The following NAV2 variants were observed in gnomAD, a reference collection of about 807,000 sequenced individuals.
NAV2 encodes neuron navigator 2.
In NAV2, 54 loss-of-function variants were observed where a neutral mutation model predicts 223.2. That is an observed-to-expected ratio of 0.24 (90% CI 0.19 to 0.30). The LOEUF (loss-of-function observed/expected upper bound fraction) is 0.30. NAV2 is among the 10% of genes least tolerant of loss of function. The probability of loss-of-function intolerance (pLI) is 1.00; values close to 1 mark genes in which losing one functional copy is unlikely to be tolerated. For synonymous variants in NAV2, 1,279 were observed against 1,239.3 expected (o/e 1.03, Z -0.67); for missense variants, 2,806 against 3,147.5 (o/e 0.89, Z 2.60).
chr11:19,859,135 C>CTTTTTTTTTTTTTTT (rs2061539413), intron 3 of NAV2, among the ~76,000 whole-genome samples: 1 of 102,056 alleles, frequency 9.8e-6, no homozygotes, highest in Non-Finnish European at 2.0e-5. Context: ...AAATCATATT[C>CTTTTTTTTTTTTTTT]TCTTTTTTTT....
intron 6 of NAV2, among the ~76,000 whole-genome samples, chr11:19,907,150 G>T (rs564239292): frequency 6.6e-6 from 1 of 152,144 alleles, no homozygotes; most frequent in East Asian, 1.9e-4. Context: ...TGTATATAAG[G>T]TTTGTTGAAT....
chr11:19,856,587 A>G (rs1175661235), intron 3 of NAV2, among the ~76,000 whole-genome samples: 18 of 152,218 alleles, frequency 1.2e-4, no homozygotes, highest in Non-Finnish European at 2.6e-4. Flanking sequence ...ATGTATGTGG[A>G]CGTTTCTAGT....
chr11:20,097,707 T>A lies in NAV2; in HGVS notation c.6143T>A (p.Leu2048Gln), dbSNP rs1164682399. 1.9e-6 allele frequency: 3 copies of A among 1,610,642 alleles called. No individual in the cohort carries two copies. Among genetic ancestry groups the A allele is most frequent in the Non-Finnish European group, 2.5e-6 (3 of 1,179,132 alleles). The change falls in exon 31 of 38, where the codon CTG becomes CAG. Residue 2048 changes from leucine (L) to glutamine (Q), a missense_variant. This residue lies in a region of NAV2 where 824 missense variants were observed against 1,069.4 expected (regional missense o/e 0.77). Transcript: ENST00000349880. ...CCGGAGCTGCTTCCTTGTGGCTATC[T>A]GGTTGGAGAGAACACGACCATCTCA... Reference protein sequence around the residue: ...ETPELLPCGYLVGENTTISVT... With the variant: ...ETPELLPCGYQVGENTTISVT...
chr11:19,400,702 GCCCATGATGTGAACAGTGAC>G (rs1398923747), intron 1 of NAV2, among the ~76,000 whole-genome samples: 1 of 152,154 alleles, frequency 6.6e-6, no homozygotes, highest in African/African-American at 2.4e-5. Context: ...TCATCTTCTA[GCCCATGATGTGAACAGTGAC>G]CCCTAGGGCC....
At chr11:19,583,896 T>C (rs1324686356) in intron 1 of NAV2, among the ~76,000 whole-genome samples, 1 of 152,232 alleles carries the variant, frequency 6.6e-6, no homozygotes, top group African/African-American at 2.4e-5. Context: ...CCTCACAAAA[T>C]GAGTTAGGGA....
chr11:19,859,710 G>C (rs2061585703), intron 3 of NAV2, among the ~76,000 whole-genome samples: 1 of 151,828 alleles, frequency 6.6e-6, no homozygotes, highest in Admixed American at 6.5e-5. Flanking sequence ...CTTCCCAGTA[G>C]GGGTGGCCGG....
At chr11:20,092,630 T>A (rs2060931864) in intron 28 of NAV2, among the ~76,000 whole-genome samples, 1 of 152,076 alleles carries the variant, frequency 6.6e-6, no homozygotes, top group Non-Finnish European at 1.5e-5. Flanking sequence ...CTGAGTTTGT[T>A]TGATCCATTT....
At chr11:19,840,795 T>G (rs2060473343) in intron 2 of NAV2, among the ~76,000 whole-genome samples, 1 of 152,192 alleles carries the variant, frequency 6.6e-6, no homozygotes, top group South Asian at 2.1e-4. Context: ...ATTTCTTGAT[T>G]CATTGAGATA....
intron 1 of NAV2, among the ~76,000 whole-genome samples, chr11:19,429,436 CA>C (rs1385012924): frequency 1.3e-5 from 2 of 152,190 alleles, no homozygotes; most frequent in African/African-American, 2.4e-5. Context: ...ATTTTGGTCT[CA>C]ATGTTGATTC....
chr11:19,734,017 G>T (rs979625128), intron 1 of NAV2, among the ~76,000 whole-genome samples: 1 of 152,184 alleles, frequency 6.6e-6, no homozygotes, highest in Non-Finnish European at 1.5e-5. Context: ...TGAGGAAATG[G>T]AGGCATAGAG....
At chr11:20,027,813 G>A (rs1312089184) in intron 11 of NAV2, 3 of 152,204 alleles carry the variant, frequency 2.0e-5, no homozygotes, top group Admixed American at 2.0e-4. Flanking sequence ...TCATTTGAAA[G>A]GTGTAATGAT....
chr11:19,842,786 C>A, intron 2 of NAV2, 85 bp from the exon 3 acceptor site: 1 of 1,272,944 alleles, frequency 7.9e-7, no homozygotes, highest in Non-Finnish European at 1.1e-6. Context: ...GGCCTTAGGA[C>A]TTGGTTGCCT....
At chr11:20,101,694 G>T (rs2061654272) in intron 32 of NAV2, among the ~76,000 whole-genome samples, 1 of 152,142 alleles carries the variant, frequency 6.6e-6, no homozygotes, top group South Asian at 2.1e-4. Flanking sequence ...GGTACTAAGT[G>T]GTAGAACTGA....
intron 1 of NAV2, among the ~76,000 whole-genome samples, chr11:19,599,625 G>T (rs953903069): frequency 6.6e-6 from 1 of 152,216 alleles, no homozygotes; most frequent in Admixed American, 6.5e-5. Context: ...TAGACAAGGG[G>T]AGCTTATTTG....
At chr11:19,833,571 C>T (rs909266029) in intron 2 of NAV2, among the ~76,000 whole-genome samples, 1 of 152,154 alleles carries the variant, frequency 6.6e-6, no homozygotes, top group Admixed American at 6.5e-5. Context: ...CTCCTTTTTC[C>T]TCCTCTCCCT....
chr11:19,611,430 A>G (rs2046641037), intron 1 of NAV2, among the ~76,000 whole-genome samples: 1 of 152,178 alleles, frequency 6.6e-6, no homozygotes, highest in African/African-American at 2.4e-5. Flanking sequence ...TCCACAATCC[A>G]ACATCTCATC....
rs1451172811 is a variant in NAV2, at chr11:19,373,544, ACCT to A, written c.75+22522_75+22524del. Among the ~76,000 whole-genome samples the A allele has an allele frequency of 2.6e-5, 4 of 151,620 alleles. No homozygotes were observed. In the East Asian group the frequency reaches 7.8e-4, roughly 29 times the overall value. ...TCCTTCAGGTCACCTCCTCTGAAAG[ACCT>A]CCTCTGATCACATCATCCAAACTAG... On this transcript the variant is annotated intron_variant, in intron 1 of 37. Transcript: ENST00000360655.
At chr11:20,003,998 A>G (rs1470787499) in intron 11 of NAV2, among the ~76,000 whole-genome samples, 2 of 152,230 alleles carry the variant, frequency 1.3e-5, no homozygotes, top group African/African-American at 4.8e-5. Context: ...ATATTTGAGA[A>G]GAAAACATCT....
chr11:20,097,502 A>T, intron 30 of NAV2, 75 bp from the exon 31 acceptor site: 1 of 1,173,298 alleles, frequency 8.5e-7, no homozygotes, highest in Admixed American at 2.7e-5. Flanking sequence ...ATCATAAATC[A>T]CCCAGGGAAA....
Sources: allele counts gnomAD v4.1 joint callset (sites outside exome capture counted in the v4.1 genomes callset), GRCh38; gene constraint gnomAD v4.1.1; regional missense constraint gnomAD v4.1.1; transcripts MANE v1.5; gene names NCBI Gene and HGNC (gene_info 2026-07-23, HGNC 2026-07-21).